The following LAMA2 variants were observed in gnomAD, a reference collection of about 807,000 sequenced individuals.
The protein encoded by LAMA2 is laminin subunit alpha 2, also known as laminin subunit alpha-2.
In LAMA2, 269 loss-of-function variants were observed where a neutral mutation model predicts 364.8. The ratio of observed to expected loss-of-function variants is 0.74; its 90% CI spans 0.67 to 0.82. LAMA2 has a LOEUF of 0.82. Among genes scored for constraint, LAMA2 ranks in the 40% least tolerant of loss-of-function variants. The probability of loss-of-function intolerance (pLI) is 0.00; values close to 1 mark genes in which losing one functional copy is unlikely to be tolerated. For missense variants in LAMA2, 3,807 were observed against 3,873.2 expected (o/e 0.98, Z 0.45); for synonymous variants, 1,379 against 1,370.6 (o/e 1.01, Z -0.14).
intron 1 of LAMA2, among the ~76,000 whole-genome samples, chr6:128,954,309 A>G (rs1336869922): frequency 1.3e-5 from 2 of 152,058 alleles, no homozygotes; most frequent in East Asian, 1.9e-4. Flanking sequence ...GGAGCATTAG[A>G]TTATAATATC....
chr6:129,162,719 T>C (rs1445876980), intron 8 of LAMA2, among the ~76,000 whole-genome samples: 1 of 152,116 alleles, frequency 6.6e-6, no homozygotes, highest in African/African-American at 2.4e-5. Flanking sequence ...ATTTCAAAAA[T>C]TTTTTTATAT....
At chr6:129,512,296 T>C in intron 62 of LAMA2, 67 bp from the exon 63 acceptor site, 2 of 1,423,766 alleles carry the variant, frequency 1.4e-6, no homozygotes, top group South Asian at 2.3e-5. Context: ...AAGTCATGCA[T>C]TGTACACGTT....
intron 12 of LAMA2, among the ~76,000 whole-genome samples, chr6:129,248,716 T>G: frequency 6.6e-6 from 1 of 152,220 alleles, no homozygotes; most frequent in East Asian, 1.9e-4. Flanking sequence ...TTGTTTGAAA[T>G]ATATACAACA....
chr6:129,332,667 A>G (rs1775723312), intron 29 of LAMA2, among the ~76,000 whole-genome samples: 1 of 152,150 alleles, frequency 6.6e-6, no homozygotes, highest in Non-Finnish European at 1.5e-5. Context: ...TCAAGCACGC[A>G]TTTCTCATAT....
intron 21 of LAMA2, among the ~76,000 whole-genome samples, chr6:129,299,708 A>G (rs934189481): frequency 6.6e-6 from 1 of 152,196 alleles, no homozygotes; most frequent in Admixed American, 6.5e-5. Flanking sequence ...AACAGCAATG[A>G]CTAACATTTA....
chr6:129,291,852 C>A, intron 20 of LAMA2, 132 bp downstream of exon 20: 1 of 708,884 alleles, frequency 1.4e-6, no homozygotes. Context: ...ATTGAAATGA[C>A]TGTGATCAGT....
intron 31 of LAMA2, among the ~76,000 whole-genome samples, chr6:129,350,489 C>T (rs1375280683): frequency 6.6e-6 from 1 of 152,178 alleles, no homozygotes; most frequent in Non-Finnish European, 1.5e-5. Flanking sequence ...GACTAACCAG[C>T]GTGAGAGTAC....
chr6:129,469,552 T>C (rs1303928964), intron 51 of LAMA2, among the ~76,000 whole-genome samples: 1 of 151,870 alleles, frequency 6.6e-6, no homozygotes, highest in Non-Finnish European at 1.5e-5. Context: ...AAAGACTAAA[T>C]ATACATCTAC....
At chr6:129,303,745 A>G (rs1773688873) in intron 22 of LAMA2, among the ~76,000 whole-genome samples, 1 of 152,168 alleles carries the variant, frequency 6.6e-6, no homozygotes, top group Admixed American at 6.5e-5. Context: ...CCAGTCTTAC[A>G]ATCCTCAGAT....
intron 3 of LAMA2, among the ~76,000 whole-genome samples, chr6:129,071,953 C>A (rs1228887979): frequency 6.6e-6 from 1 of 152,054 alleles, no homozygotes; most frequent in East Asian, 1.9e-4. Flanking sequence ...CGTGGTGAAA[C>A]CTCATCTCTA....
intron 58 of LAMA2, 59 bp from the exon 59 acceptor site, chr6:129,502,600 A>G: frequency 1.9e-6 from 2 of 1,040,660 alleles, no homozygotes; most frequent in Non-Finnish European, 3.0e-6. Context: ...AGACAGCATC[A>G]TTACCTTTTT....
chr6:128,985,243 T>C (rs1227725302), intron 1 of LAMA2, among the ~76,000 whole-genome samples: 1 of 152,164 alleles, frequency 6.6e-6, no homozygotes, highest in Non-Finnish European at 1.5e-5. Flanking sequence ...AGGGTGCTGT[T>C]GTAAAATACA....
At chr6:129,507,433 TA>T (rs1157295641) in intron 61 of LAMA2, 55 bp from the exon 62 acceptor site, 3 of 1,588,858 alleles carry the variant, frequency 1.9e-6, no homozygotes, top group Admixed American at 1.7e-5. Context: ...GTATTCTACA[TA>T]AAGGCAAAGT....
chr6:129,458,826 G>C (rs1403942313), intron 48 of LAMA2, among the ~76,000 whole-genome samples: 1 of 151,910 alleles, frequency 6.6e-6, no homozygotes, highest in African/African-American at 2.4e-5. Context: ...TACAGTCTAT[G>C]CTTTTAACTA....
intron 58 of LAMA2, among the ~76,000 whole-genome samples, chr6:129,494,850 CAT>C (rs1442794615): frequency 1.3e-5 from 2 of 152,192 alleles, no homozygotes; most frequent in Non-Finnish European, 2.9e-5. Context: ...ACCTGAAAAT[CAT>C]GTGTTTCTCA....
Position 129,473,230 on chromosome 6 carries a change from A to C in LAMA2, c.7317A>C (p.Val2439=), listed in dbSNP as rs775822078. ...CCTTTACAGCCAATATATCAATTGT[A>C]GATATAGATACTAATCAGGAGGAGA... ...RIQKQANISI[V]DIDTNQEENI... Residue 2439 remains valine (V), a synonymous_variant, in exon 52 of 65, where the codon GTA becomes GTC. Coordinates refer to ENST00000421865, the MANE Select transcript of LAMA2 (RefSeq NM_000426.4). 6.3e-7 allele frequency: 1 copy of C among 1,596,444 alleles called. No individual in the cohort carries two copies. The highest frequency in any genetic ancestry group is 2.2e-5 in the East Asian group (1 of 44,604).
intron 1 of LAMA2, among the ~76,000 whole-genome samples, chr6:128,935,690 A>G (rs1779772385): frequency 6.6e-6 from 1 of 152,182 alleles, no homozygotes; most frequent in Admixed American, 6.5e-5. Context: ...AGCACTTTAG[A>G]TGGAGTTTAG....
chr6:129,295,803 G>GTA (rs1488807485), intron 20 of LAMA2, among the ~76,000 whole-genome samples: 8 of 2,554 alleles, frequency 3.1e-3, no homozygotes, highest in Non-Finnish European at 6.3e-3. Context: ...ATATATATGA[G>GTA]TGTGTATATA....
intron 12 of LAMA2, among the ~76,000 whole-genome samples, chr6:129,223,960 A>G (rs921784468): frequency 2.6e-5 from 4 of 152,162 alleles, no homozygotes; most frequent in African/African-American, 9.7e-5. Context: ...CACGATATTG[A>G]TTCTTCCTAT....
Sources: gnomAD v4.1 joint callset for allele counts (sites outside exome capture counted in the v4.1 genomes callset) on GRCh38, gnomAD v4.1.1 for gene constraint, MANE v1.5 for transcripts, NCBI Gene and HGNC (gene_info 2026-07-23, HGNC 2026-07-21) for gene names.